The following RBM20 variants were observed in gnomAD, a reference collection of about 807,000 sequenced individuals.
RBM20 encodes RNA binding motif protein 20.
In RBM20, 51 loss-of-function variants were observed where a neutral mutation model predicts 110.1. The observed-to-expected ratio is 0.46, with a 90% CI of 0.37 to 0.59. The LOEUF is 0.59. RBM20 is among the 20% of genes least tolerant of loss of function. The pLI is 0.00. For missense variants in RBM20, 1,512 were observed against 1,574.9 expected, an observed-to-expected ratio of 0.96 and a Z score of 0.68; for synonymous variants, 589 against 618.2, an observed-to-expected ratio of 0.95 and a Z score of 0.70.
chr10:110,828,619 G>T (rs1845011134), intron 12 of RBM20, among the ~76,000 whole-genome samples: 1 of 152,128 alleles, frequency 6.6e-6, no homozygotes, highest in Non-Finnish European at 1.5e-5. Flanking sequence ...CAGTATTTTT[G>T]AGCAACAGGC....
At chr10:110,805,055 A>C (rs546560283) in intron 7 of RBM20, among the ~76,000 whole-genome samples, 2 of 152,308 alleles carry the variant, frequency 1.3e-5, no homozygotes, top group East Asian at 3.9e-4. Context: ...TGGGAAGATG[A>C]TTGAGAGTCT....
At chr10:110,787,997 T>C (rs547430613) in intron 5 of RBM20, among the ~76,000 whole-genome samples, 4 of 152,260 alleles carry the variant, frequency 2.6e-5, no homozygotes, top group African/African-American at 9.6e-5. Context: ...TGGATACTAT[T>C]ATTATCCTTA....
intron 1 of RBM20, among the ~76,000 whole-genome samples, chr10:110,685,550 A>C (rs1239416029): frequency 6.6e-6 from 1 of 152,190 alleles, no homozygotes; most frequent in African/African-American, 2.4e-5. Context: ...GCAAGTCCCT[A>C]GTAGTCCATA....
Position 110,831,681 on chromosome 10 carries a change from A to AAAAAC in RBM20, c.3573+503_3573+504insCAAAA, listed in dbSNP as rs1287127741. On this transcript the variant is annotated intron_variant, in intron 13 of 13. Transcript: ENST00000369519. ...CTTGCTAGAATAAAAAAAAAAAAAA[A>AAAAAC]AAAAAAAAAACACTGCTTTGTTCTT... Among the ~76,000 whole-genome samples, 549 of 146,084 alleles carry AAAAAC rather than the reference A, an allele frequency of 3.8e-3. 6 individuals are homozygous for AAAAAC. The highest frequency in any genetic ancestry group is 4.9e-3 in the Non-Finnish European group (326 of 66,218).
At chr10:110,699,550 G>A (rs1247357844) in intron 1 of RBM20, among the ~76,000 whole-genome samples, 1 of 151,884 alleles carries the variant, frequency 6.6e-6, no homozygotes, top group Non-Finnish European at 1.5e-5. Flanking sequence ...GAGATTACAG[G>A]TGTGAGCCAC....
rs112598780 is a variant in RBM20, at chr10:110,784,008, T to C, written c.1338-333T>C. Among the ~76,000 whole-genome samples, 844 of 152,370 alleles carry C rather than the reference T, an allele frequency of 5.5e-3. 5 individuals are homozygous for C. Among genetic ancestry groups the C allele is most frequent in the East Asian group, 0.025 (128 of 5,192 alleles). On this transcript the variant is annotated intron_variant, in intron 3 of 13. Coordinates refer to ENST00000369519, the MANE Select transcript of RBM20 (RefSeq NM_001134363.3). ...GAATCATATGATATGTGGCCTTTGG[T>C]GACTGGCTTTTTCTTTTTTACTTAG...
Position 110,812,494 on chromosome 10 carries a change from CAA to C in RBM20, c.2098_2099del (p.Lys700GlufsTer10). The C allele has an allele frequency of 6.4e-7, 1 of 1,551,642 alleles. No individual in the cohort carries two copies. Among genetic ancestry groups the C allele is most frequent in the Non-Finnish European group, 8.7e-7 (1 of 1,146,978 alleles). ...CTCCCTGGAGGGACAACGGAGATGA[CAA>C]GAGGGACAGGATGGACCCCTGGGCA... is the stretch of plus-strand genomic sequence containing the variant. ...PAPWRDNGDD[K>X]RDRMDPWAHD... On this transcript the variant is annotated frameshift_variant, in exon 9 of 14. Coordinates refer to ENST00000369519, the MANE Select transcript of RBM20 (RefSeq NM_001134363.3). LOFTEE classifies it high-confidence loss of function.
chr10:110,645,176 C>T (rs1446888020), intron 1 of RBM20, among the ~76,000 whole-genome samples: 1 of 152,202 alleles, frequency 6.6e-6, no homozygotes, highest in Non-Finnish European at 1.5e-5. Flanking sequence ...AAGAGTTTAG[C>T]TACGCAACCG....
At chr10:110,699,276 T>G (rs1862718827) in intron 1 of RBM20, among the ~76,000 whole-genome samples, 1 of 150,278 alleles carries the variant, frequency 6.7e-6, no homozygotes, top group Admixed American at 6.6e-5. Context: ...TTTTTTTTTT[T>G]TCCTGAGACG....
At chr10:110,749,180 A>G (rs973401112) in intron 1 of RBM20, among the ~76,000 whole-genome samples, 32 of 152,392 alleles carry the variant, frequency 2.1e-4, no homozygotes, top group African/African-American at 7.5e-4. Flanking sequence ...GTAAGACAAG[A>G]AAAATAAATG....
intron 1 of RBM20, among the ~76,000 whole-genome samples, chr10:110,693,069 A>AT (rs58858301): frequency 2.0e-5 from 3 of 151,908 alleles, no homozygotes; most frequent in African/African-American, 4.8e-5. Flanking sequence ...ACATTGACTA[A>AT]TTTTTTTATA....
Position 110,837,883 on chromosome 10 carries a change from C to G in RBM20, c.*1905C>G, listed in dbSNP as rs749924573. ...GAAGCAAGAAACCTGAACTCATCAT[C>G]AGGCTATTAAATAAAATTTATAGGA... On this transcript the variant is annotated 3_prime_UTR_variant, in exon 14 of 14. Coordinates refer to ENST00000369519, the MANE Select transcript of RBM20 (RefSeq NM_001134363.3). The G allele has an allele frequency of 2.0e-4, 30 of 152,162 alleles. No homozygotes were observed. The highest frequency in any genetic ancestry group is 4.0e-4 in the Non-Finnish European group (27 of 68,032). 9.4% of individuals were successfully genotyped at this position (152,162 alleles called of 1,614,324 possible).
intron 1 of RBM20, among the ~76,000 whole-genome samples, chr10:110,733,980 T>C (rs1032072959): frequency 7.9e-5 from 12 of 152,168 alleles, no homozygotes; most frequent in Non-Finnish European, 1.6e-4. Context: ...TACCTGCGAA[T>C]GTCTGTTAGC....
intron 1 of RBM20, among the ~76,000 whole-genome samples, chr10:110,768,091 G>A (rs1459117124): frequency 6.6e-6 from 1 of 152,248 alleles, no homozygotes; most frequent in Non-Finnish European, 1.5e-5. Context: ...CCAGTCAGGC[G>A]TGGCGGCGCG....
At chr10:110,830,656 G>A (rs1458932998) in intron 12 of RBM20, among the ~76,000 whole-genome samples, 1 of 152,084 alleles carries the variant, frequency 6.6e-6, no homozygotes, top group Non-Finnish European at 1.5e-5. Context: ...AATTCTTCGA[G>A]AGTCCCGGTC....
intron 1 of RBM20, among the ~76,000 whole-genome samples, chr10:110,751,015 C>T (rs376058071): frequency 6.7e-5 from 6 of 89,166 alleles, no homozygotes; most frequent in African/African-American, 2.2e-4. Flanking sequence ...ACTAGAGTGA[C>T]GTAGGGCATG....
At chr10:110,740,747 A>G (rs1196724238) in intron 1 of RBM20, among the ~76,000 whole-genome samples, 4 of 152,138 alleles carry the variant, frequency 2.6e-5, no homozygotes, top group African/African-American at 9.7e-5. Context: ...ATGGCAGCAG[A>G]TATAACATCA....
rs748531083 is a variant in RBM20, at chr10:110,709,758, T to TG, written c.191+65119dup. Among the ~76,000 whole-genome samples the TG allele has an allele frequency of 1.7e-3, 258 of 151,870 alleles. 1 individual carries two copies. Among genetic ancestry groups the TG allele is most frequent in the Middle Eastern group, 3.4e-3 (1 of 292 alleles). On this transcript the variant is annotated intron_variant, in intron 1 of 13. Transcript: ENST00000369519. ...TTTTGTTTTTTTAATTTTGTAGAGATGGGGGGTCTCATTTTGTTGCCAGGC... is the reference window on the plus strand; with the variant it reads ...TTTTGTTTTTTTAATTTTGTAGAGATGGGGGGGTCTCATTTTGTTGCCAGGC...
Position 110,810,460 on chromosome 10 carries a change from C to G in RBM20, c.1878C>G (p.Asp626Glu), listed in dbSNP as rs1844750527. 1 of 1,550,594 alleles carries G rather than the reference C, an allele frequency of 6.4e-7. No individual in the cohort carries two copies. The highest frequency in any genetic ancestry group is 8.7e-7 in the Non-Finnish European group (1 of 1,146,058). ...AGAGGGACATGTTCCGGGAAGCAGA[C>G]AGGTGAGGCCCCAAGCCCCAAGTCT... is the stretch of plus-strand genomic sequence containing the variant. ...QRERDMFREA[D>E]RYGPERPRSR... is the part of the protein sequence containing the mutation. Residue 626 changes from aspartate (D) to glutamate (E), a missense_variant and splice_region_variant, in exon 8 of 14, where the codon GAC (aspartate) becomes GAG (glutamate). By Grantham distance (45) the Asp-to-Glu change is conservative. Around this residue, in one of 3 missense-constraint regions of RBM20, gnomAD observed 1,149 missense variants for 1,169.4 expected, o/e 0.98. Transcript: ENST00000369519.
Sources: gnomAD v4.1 joint callset for allele counts (sites outside exome capture counted in the v4.1 genomes callset) on GRCh38, gnomAD v4.1.1 for gene constraint, gnomAD v4.1.1 regional missense constraint, MANE v1.5 for transcripts, NCBI Gene and HGNC (gene_info 2026-07-23, HGNC 2026-07-21) for gene names.